The following CRY2 variants were observed in gnomAD, a reference collection of about 807,000 sequenced individuals.
The protein encoded by CRY2 is cryptochrome circadian regulator 2, also known as cryptochrome-2.
CRY2 carries 31 observed loss-of-function variants against 69.5 expected under a neutral mutation model. The ratio of observed to expected loss-of-function variants is 0.45; its 90% confidence interval spans 0.34 to 0.60. The LOEUF is 0.60. Ranked by LOEUF, CRY2 falls within the 20% of genes least tolerant of loss-of-function variation. The probability of loss-of-function intolerance (pLI) is 0.02; values close to 1 mark genes in which losing one functional copy is unlikely to be tolerated. For missense variants in CRY2, 606 were observed against 797.8 expected (o/e 0.76, Z 2.90); for synonymous variants, 303 against 312.2 (o/e 0.97, Z 0.31).
chr11:45,869,484 A>G (rs773126556), intron 6 of CRY2, 22 bp from the exon 7 acceptor site: 2 of 1,587,118 alleles, frequency 1.3e-6, no homozygotes. Context: ...GTTTGTATCC[A>G]TGTGCCACCC....
At chr11:45,877,819 T>C (rs2086435421) in intron 11 of CRY2, among the ~76,000 whole-genome samples, 1 of 152,234 alleles carries the variant, frequency 6.6e-6, no homozygotes. Context: ...TGGCACCAAC[T>C]AGTTATCTGC....
intron 5 of CRY2, among the ~76,000 whole-genome samples, chr11:45,863,341 C>G (rs958490272): frequency 5.3e-5 from 8 of 152,090 alleles, no homozygotes; most frequent in African/African-American, 1.4e-4. Flanking sequence ...TAGTTTTTAT[C>G]AGCTGGAGAA....
intron 1 of CRY2, 120 bp from the exon 2 acceptor site, chr11:45,855,862 C>G: frequency 1.2e-6 from 1 of 863,804 alleles, no homozygotes; most frequent in Non-Finnish European, 2.0e-6. Flanking sequence ...CTCTCCAGCC[C>G]TAGTGATCAT....
intron 11 of CRY2, among the ~76,000 whole-genome samples, chr11:45,873,518 G>A (rs1020902380): frequency 6.6e-6 from 1 of 152,214 alleles, no homozygotes; most frequent in African/African-American, 2.4e-5. Flanking sequence ...TTTGGAACTT[G>A]CCAGGCTGAC....
At chr11:45,867,790 C>T (rs1469983503) in intron 6 of CRY2, 38 bp downstream of exon 6, 1 of 1,613,122 alleles carries the variant, frequency 6.2e-7, no homozygotes, top group Non-Finnish European at 8.5e-7. Context: ...CACCTAAGGC[C>T]TGCAGCCAGG....
intron 3 of CRY2, among the ~76,000 whole-genome samples, chr11:45,859,467 T>C (rs953166876): frequency 2.0e-5 from 3 of 151,596 alleles, no homozygotes; most frequent in Admixed American, 1.3e-4. Flanking sequence ...GAGGCTGAGG[T>C]TGGAGGATCA....
intron 10 of CRY2, 138 bp from the exon 11 acceptor site, chr11:45,871,954 G>A (rs1374610350): frequency 1.6e-6 from 2 of 1,229,718 alleles, no homozygotes; most frequent in African/African-American, 3.1e-5. Context: ...AAGGCCGAGG[G>A]GCAGGTCTGA....
In CRY2 at chr11:45,869,734, T is replaced by C. The variant is rs377636843; in HGVS notation, c.1111T>C (p.Trp371Arg). The change falls in exon 7 of 12, where the codon TGG (tryptophan) becomes CGG (arginine). Residue 371 changes from tryptophan to arginine, a missense_variant. Transcript: ENST00000616080. ...AIMTQLRQEG[W>R]IHHLARHAVA... ...CATGACCCAACTGAGGCAGGAGGGC[T>C]GGATCCACCACCTGGCCCGGCATGC... is the stretch of plus-strand genomic sequence containing the variant. 6.2e-7 allele frequency: 1 copy of C among 1,613,932 alleles called. No homozygotes were observed. The highest frequency in any genetic ancestry group is 8.5e-7 in the Non-Finnish European group (1 of 1,179,972).
chr11:45,851,363 T>C (rs2086198253), intron 1 of CRY2, among the ~76,000 whole-genome samples: 1 of 152,224 alleles, frequency 6.6e-6, no homozygotes, highest in South Asian at 2.1e-4. Flanking sequence ...CCATTTCTCT[T>C]AGAATTGGTA....
rs979673811 is a variant in CRY2 at position 45,865,336 on chromosome 11, G to T, written c.742-2276G>T. On this transcript the variant is annotated intron_variant, in intron 5 of 11. Transcript: ENST00000616080. ...CTCTTGGGGTGGCTGTCAAAGCTCT[G>T]TTTCCCAAACCTTGGTGGCTATTGC... 5.5e-4 allele frequency among the ~76,000 whole-genome samples: 84 copies of T among 152,334 alleles called. 1 individual carries two copies. The highest frequency in any genetic ancestry group is 3.4e-3 in the Middle Eastern group (1 of 294).
intron 11 of CRY2, among the ~76,000 whole-genome samples, chr11:45,874,526 C>T (rs1428346415): frequency 6.6e-6 from 1 of 152,164 alleles, no homozygotes; most frequent in African/African-American, 2.4e-5. Flanking sequence ...GTCAAGAGCT[C>T]ATGTTTTGCC....
intron 11 of CRY2, among the ~76,000 whole-genome samples, chr11:45,872,662 G>A (rs2086395389): frequency 6.6e-6 from 1 of 152,118 alleles, no homozygotes; most frequent in South Asian, 2.1e-4. Context: ...CCACCATTCT[G>A]ACTTTTATCA....
At chr11:45,852,771 T>C (rs2134628532) in intron 1 of CRY2, among the ~76,000 whole-genome samples, 1 of 152,370 alleles carries the variant, frequency 6.6e-6, no homozygotes, top group Non-Finnish European at 1.5e-5. Flanking sequence ...AGTTCAGTTT[T>C]CTAGAGTAGT....
At chr11:45,875,915 A>T (rs549854546) in intron 11 of CRY2, among the ~76,000 whole-genome samples, 47 of 152,372 alleles carry the variant, frequency 3.1e-4, no homozygotes, top group African/African-American at 1.1e-3. Context: ...GAATCACATT[A>T]TCATCTTGCA....
chr11:45,877,082 T>C (rs1184950598), intron 11 of CRY2, among the ~76,000 whole-genome samples: 2 of 152,214 alleles, frequency 1.3e-5, no homozygotes, highest in East Asian at 1.9e-4. Context: ...TCCCTGGCAC[T>C]TCATAAGTAG....
rs1455764007 is a variant in CRY2, at chr11:45,855,990, T to G, written c.224T>G (p.Leu75Arg). ...CTGTGTGGACTCCACAGGTTCCTAC[T>G]TCAGTCTCTGGAAGATTTGGACACA... Reference protein sequence around the residue: ...SVGINRWRFLLQSLEDLDTSL... With the variant: ...SVGINRWRFLRQSLEDLDTSL... Residue 75 changes from leucine to arginine, a missense_variant, in exon 2 of 12, where the codon CTT (leucine) becomes CGT (arginine). Around this residue, in one of 5 missense-constraint regions of CRY2, gnomAD observed 382 missense variants for 508.9 expected, o/e 0.75. Coordinates refer to ENST00000616080, the MANE Select transcript of CRY2 (RefSeq NM_021117.5). 1 of 1,613,940 alleles carries G rather than the reference T, an allele frequency of 6.2e-7. No homozygotes were observed. Among genetic ancestry groups the G allele is most frequent in the Non-Finnish European group, 8.5e-7 (1 of 1,179,898 alleles).
chr11:45,879,617 A>G (rs1452506935), intron 11 of CRY2, among the ~76,000 whole-genome samples: 1 of 152,230 alleles, frequency 6.6e-6, no homozygotes, highest in African/African-American at 2.4e-5. Context: ...TGGCTCTGCC[A>G]CTTATGAATG....
chr11:45,848,215 G>C (rs923261615), intron 1 of CRY2, among the ~76,000 whole-genome samples: 2 of 152,144 alleles, frequency 1.3e-5, no homozygotes, highest in African/African-American at 4.8e-5. Flanking sequence ...TGGCTACCCT[G>C]CACCCAGACC....
chr11:45,872,101 C>G lies in CRY2; in HGVS notation c.1652C>G (p.Pro551Arg). The G allele has an allele frequency of 6.2e-7, 1 of 1,614,056 alleles. No homozygotes were observed. The highest frequency in any genetic ancestry group is 1.1e-5 in the South Asian group (1 of 91,078). The change falls in exon 11 of 12, where the codon CCA becomes CGA. Residue 551 changes from proline to arginine, a missense_variant. Pro to Arg is a moderately radical substitution (Grantham distance 103). Coordinates refer to ENST00000616080, the MANE Select transcript of CRY2 (RefSeq NM_021117.5). ...ACACGCTTCCCTACAGGCCCAAGAC[C>G]ACTACCCAGTGGCCCAGCATCCCCC... ...AGSMSSAGPR[P>R]LPSGPASPKR...
Sources: allele counts gnomAD v4.1 joint callset (sites outside exome capture counted in the v4.1 genomes callset), GRCh38; gene constraint gnomAD v4.1.1; regional missense constraint gnomAD v4.1.1; transcripts MANE v1.5; gene names NCBI Gene and HGNC (gene_info 2026-07-23, HGNC 2026-07-21).